The following TBC1D1 variants were observed in gnomAD, a reference collection of about 807,000 sequenced individuals.
TBC1D1 encodes the protein TBC1 domain family member 1, also known as TBC1 (tre-2/USP6, BUB2, cdc16) domain family, member 1.
TBC1D1 carries 89 observed loss-of-function variants against 125.6 expected under a neutral mutation model. The observed-to-expected ratio is 0.71, with a 90% CI of 0.60 to 0.85. The LOEUF (loss-of-function observed/expected upper bound fraction) is 0.85, where lower values mean the gene tolerates loss of function less well. Among genes scored for constraint, TBC1D1 ranks in the 40% least tolerant of loss-of-function variants. The pLI, the probability that TBC1D1 is intolerant of heterozygous loss-of-function variation, is 0.00. For synonymous variants in TBC1D1, 565 were observed against 564.1 expected, an observed-to-expected ratio of 1.00 and a Z score of -0.02; for missense variants, 1,377 against 1,469.2, an observed-to-expected ratio of 0.94 and a Z score of 1.03.
At chr4:38,004,266 C>T (rs1739638344) in intron 2 of TBC1D1, among the ~76,000 whole-genome samples, 1 of 152,192 alleles carries the variant, frequency 6.6e-6, no homozygotes, top group Non-Finnish European at 1.5e-5. Flanking sequence ...CTCCAGATCC[C>T]TGGCTCCCTC....
chr4:38,133,156 A>T lies in TBC1D1; in HGVS notation c.3205A>T (p.Ile1069Phe), dbSNP rs776326406. The T allele has an allele frequency of 6.2e-7, 1 of 1,614,248 alleles. No homozygotes were observed. The highest frequency in any genetic ancestry group is 8.5e-7 in the Non-Finnish European group (1 of 1,180,030). Reference sequence around the variant, plus strand: ...GTACCACGTCCTTCAAGAAGAACTTATCGATTCCTCTCCTCTCAGTGACAA... The same window carrying T: ...GTACCACGTCCTTCAAGAAGAACTTTTCGATTCCTCTCCTCTCAGTGACAA... The change falls in exon 19 of 20, where the codon ATC becomes TTC. Residue 1069 changes from isoleucine to phenylalanine, a missense_variant. This residue lies in a region of TBC1D1 where 543 missense variants were observed against 613.5 expected (regional missense o/e 0.89). Transcript: ENST00000261439.
chr4:38,034,066 A>C (rs1364493331), intron 7 of TBC1D1, among the ~76,000 whole-genome samples: 2 of 152,236 alleles, frequency 1.3e-5, no homozygotes. Context: ...TTAGTTTTAC[A>C]AGAAACTGCT....
intron 2 of TBC1D1, among the ~76,000 whole-genome samples, chr4:37,988,284 A>G (rs1050792763): frequency 3.3e-5 from 5 of 152,222 alleles, no homozygotes; most frequent in African/African-American, 1.2e-4. Flanking sequence ...GTTGTATTCA[A>G]TTCAGAATCT....
chr4:37,925,358 G>A (rs536461465), intron 2 of TBC1D1, among the ~76,000 whole-genome samples: 60 of 152,160 alleles, frequency 3.9e-4, no homozygotes, highest in African/African-American at 1.3e-3. Flanking sequence ...CTGAACCAAC[G>A]CTGTCTATAG....
At chr4:37,892,145 G>C (rs1303566079) in intron 1 of TBC1D1, among the ~76,000 whole-genome samples, 1 of 152,086 alleles carries the variant, frequency 6.6e-6, no homozygotes, top group African/African-American at 2.4e-5. Flanking sequence ...CTTATGATGG[G>C]ATGATTTCAT....
intron 14 of TBC1D1, 131 bp from the exon 17 acceptor site, chr4:38,102,868 C>G (rs1464155229): frequency 5.6e-6 from 6 of 1,073,668 alleles, no homozygotes; most frequent in Non-Finnish European, 5.2e-6. Context: ...GTGACAAAGC[C>G]AGACTCTGTC....
chr4:38,127,861 C>T (rs1439746309), intron 18 of TBC1D1, among the ~76,000 whole-genome samples: 1 of 152,058 alleles, frequency 6.6e-6, no homozygotes, highest in Non-Finnish European at 1.5e-5. Context: ...GACCTAAGAT[C>T]GGCTGGCAGA....
intron 18 of TBC1D1, among the ~76,000 whole-genome samples, chr4:38,128,266 C>A (rs1764990786): frequency 6.6e-6 from 1 of 152,204 alleles, no homozygotes; most frequent in Admixed American, 6.5e-5. Flanking sequence ...TCCCCTCTTT[C>A]CCTCTGGTGT....
chr4:38,099,401 G>A (rs533803946), intron 14 of TBC1D1, among the ~76,000 whole-genome samples: 7 of 152,270 alleles, frequency 4.6e-5, no homozygotes, highest in African/African-American at 1.7e-4. Context: ...CGATGCAGAT[G>A]TCCAGGTTAT....
At chr4:38,134,682 G>T (rs1766178842) in intron 19 of TBC1D1, among the ~76,000 whole-genome samples, 1 of 152,242 alleles carries the variant, frequency 6.6e-6, no homozygotes, top group Non-Finnish European at 1.5e-5. Flanking sequence ...TTGGGTAAAT[G>T]ACCTTGTAGT....
intron 2 of TBC1D1, among the ~76,000 whole-genome samples, chr4:37,905,257 A>G (rs983360146): frequency 4.6e-5 from 7 of 152,244 alleles, no homozygotes; most frequent in Non-Finnish European, 1.0e-4. Flanking sequence ...ACATATATAC[A>G]TAAGCTTTAT....
chr4:38,098,013 C>T (rs1374883857), intron 14 of TBC1D1, among the ~76,000 whole-genome samples: 1 of 152,222 alleles, frequency 6.6e-6, no homozygotes, highest in Non-Finnish European at 1.5e-5. Context: ...TGCACTGCCT[C>T]CTGTTGAACA....
chr4:37,989,657 A>G (rs1300052542), intron 2 of TBC1D1, among the ~76,000 whole-genome samples: 2 of 152,240 alleles, frequency 1.3e-5, no homozygotes, highest in Non-Finnish European at 2.9e-5. Flanking sequence ...CCTGTTCCCT[A>G]GTACAGAACA....
At chr4:37,930,487 A>G (rs1367002243) in intron 2 of TBC1D1, among the ~76,000 whole-genome samples, 1 of 149,940 alleles carries the variant, frequency 6.7e-6, no homozygotes, top group Non-Finnish European at 1.5e-5. Flanking sequence ...ATGCCTGGCC[A>G]ACTTTTTGGA....
At chr4:38,017,787 G>A (rs1743086408) in intron 3 of TBC1D1, among the ~76,000 whole-genome samples, 1 of 152,144 alleles carries the variant, frequency 6.6e-6, no homozygotes, top group African/African-American at 2.4e-5. Context: ...GCCTGCAGGG[G>A]CGTGTGCACA....
At chr4:38,090,725 A>C (rs1758285899) in intron 13 of TBC1D1, among the ~76,000 whole-genome samples, 1 of 152,224 alleles carries the variant, frequency 6.6e-6, no homozygotes, top group African/African-American at 2.4e-5. Context: ...TGCAAAGTTT[A>C]CATACTCTTT....
intron 2 of TBC1D1, among the ~76,000 whole-genome samples, chr4:38,008,724 A>G (rs1740864437): frequency 6.6e-6 from 1 of 152,228 alleles, no homozygotes; most frequent in African/African-American, 2.4e-5. Context: ...AATTGTAAGC[A>G]TGAAGCAGGC....
intron 2 of TBC1D1, among the ~76,000 whole-genome samples, chr4:37,979,024 G>C (rs1310966217): frequency 6.6e-6 from 1 of 152,128 alleles, no homozygotes; most frequent in Non-Finnish European, 1.5e-5. Context: ...TTACAGCTGT[G>C]CGCCACCACT....
chr4:37,937,074 C>G (rs916011359), intron 2 of TBC1D1, among the ~76,000 whole-genome samples: 3 of 152,202 alleles, frequency 2.0e-5, no homozygotes, highest in Non-Finnish European at 4.4e-5. Flanking sequence ...CAGGAATACC[C>G]TGCTAAGGGC....
Sources: allele counts gnomAD v4.1 joint callset (sites outside exome capture counted in the v4.1 genomes callset), GRCh38; gene constraint gnomAD v4.1.1; regional missense constraint gnomAD v4.1.1; transcripts MANE v1.5; gene names NCBI Gene and HGNC (gene_info 2026-07-23, HGNC 2026-07-21).